SNRNP40: variants seen among roughly 807,000 people sequenced by gnomAD.
SNRNP40 encodes U5 small nuclear ribonucleoprotein 40 kDa protein.
SNRNP40 carries 21 observed loss-of-function variants against 45.8 expected under a neutral mutation model. That is an observed-to-expected ratio of 0.46 (90% confidence interval 0.32 to 0.66). SNRNP40 has a LOEUF of 0.66. SNRNP40 is among the 30% of genes least tolerant of loss of function. The pLI, the probability that SNRNP40 is intolerant of heterozygous loss-of-function variation, is 0.03. For missense variants in SNRNP40, 344 were observed against 439.1 expected (o/e 0.78, Z 1.94); for synonymous variants, 142 against 163.8 (o/e 0.87, Z 1.01).
intron 1 of SNRNP40, among the ~76,000 whole-genome samples, 163 bp downstream of exon 1, chr1:31,296,448 C>T (rs989912192): frequency 2.0e-5 from 3 of 152,236 alleles, no homozygotes; most frequent in African/African-American, 7.2e-5. Context: ...ACGCAGCATT[C>T]GCAGGCTATG....
At chr1:31,290,749 G>A (rs755074169) in intron 3 of SNRNP40, among the ~76,000 whole-genome samples, 96 of 152,088 alleles carry the variant, frequency 6.3e-4, no homozygotes, top group Non-Finnish European at 1.2e-3. Flanking sequence ...ATGGTGGCGG[G>A]CACCTGTAAT....
At chr1:31,265,748 G>A (rs1645891684) in intron 8 of SNRNP40, among the ~76,000 whole-genome samples, 1 of 152,190 alleles carries the variant, frequency 6.6e-6, no homozygotes, top group Non-Finnish European at 1.5e-5. Flanking sequence ...TCTGAGGCAG[G>A]AGAATGGTGT....
intron 9 of SNRNP40, chr1:31,260,868 A>AC: frequency 1.4e-6 from 1 of 712,364 alleles, no homozygotes; most frequent in Non-Finnish European, 1.8e-6. Flanking sequence ...TGTCTCAAAA[A>AC]AAAAAAAAAA....
Position 31,259,856 on chromosome 1 carries a change from T to C in SNRNP40, c.*216A>G, listed in dbSNP as rs1181533845. 1 of 689,296 alleles carries C rather than the reference T, an allele frequency of 1.5e-6. No individual in the cohort carries two copies. Among genetic ancestry groups the C allele is most frequent in the Non-Finnish European group, 2.6e-6 (1 of 377,942 alleles). 42.7% of individuals were successfully genotyped at this position (689,296 alleles called of 1,614,324 possible). On this transcript the variant is annotated 3_prime_UTR_variant, in exon 10 of 10. Transcript: ENST00000263694. ...AAAAAAAAAAACAGTCCCTGAAATC[T>C]GGCAGGTGGTTTTTAGAGGCCACAG...
At position 31,282,611 on chromosome 1, in the gene SNRNP40, CT is replaced by C. The variant is rs1252021418; in HGVS notation, c.532-1116del. 7.3e-5 allele frequency: 11 copies of C among 149,858 alleles called. No homozygotes were observed. The South Asian group carries it at 1.7e-3, about 23-fold the overall frequency. The allele number at this position is 149,858 out of a possible 1,614,324, so 9.3% of individuals were successfully genotyped here. On this transcript the variant is annotated intron_variant, in intron 4 of 9. Transcript: ENST00000263694. ...TCTATCTATCTATCTATCTATCTATCTATCTTTCTATCATCTATATCTATCT... is the reference window on the plus strand; with the variant it reads ...TCTATCTATCTATCTATCTATCTATCATCTTTCTATCATCTATATCTATCT...
chr1:31,262,921 G>A (rs1177940700), intron 8 of SNRNP40, among the ~76,000 whole-genome samples: 6 of 151,858 alleles, frequency 4.0e-5, no homozygotes, highest in African/African-American at 1.5e-4. Context: ...AGGACTGATT[G>A]AGTCCAGCAC....
At chr1:31,287,950 T>G (rs540943210) in intron 4 of SNRNP40, among the ~76,000 whole-genome samples, 5 of 152,060 alleles carry the variant, frequency 3.3e-5, no homozygotes, top group African/African-American at 1.2e-4. Context: ...TGAGCTGAGA[T>G]TGCGCCACTG....
In SNRNP40 at chr1:31,271,410, A is replaced by C; in HGVS notation, c.744T>G (p.Ser248=). ...VTGLSLSSEG[S]YLLSNAMDNT... The stretch of plus-strand genomic sequence containing the variant: ...TGTCCATTGCATTGGACAAAAGATA[A>C]GAGCCTTCAGAACTTAAACTCAGGC... Residue 248 remains serine (S), a synonymous_variant, in exon 6 of 10, where the codon TCT becomes TCG. Coordinates refer to ENST00000263694, the MANE Select transcript of SNRNP40 (RefSeq NM_004814.3). The C allele has an allele frequency of 6.2e-7, 1 of 1,613,984 alleles. No homozygotes were observed. The highest frequency in any genetic ancestry group is 8.5e-7 in the Non-Finnish European group (1 of 1,179,968).
intron 5 of SNRNP40, among the ~76,000 whole-genome samples, chr1:31,272,498 G>A (rs1443618937): frequency 6.6e-6 from 1 of 152,134 alleles, no homozygotes; most frequent in East Asian, 1.9e-4. Context: ...TGGTGACTTA[G>A]GGTAAGAATA....
chr1:31,288,045 C>T (rs1646073114), intron 4 of SNRNP40, among the ~76,000 whole-genome samples: 1 of 151,898 alleles, frequency 6.6e-6, no homozygotes, highest in African/African-American at 2.4e-5. Context: ...CACCTGTAAT[C>T]CCAGCTACTC....
chr1:31,285,242 C>CTT (rs10694913), intron 4 of SNRNP40, among the ~76,000 whole-genome samples: 73,563 of 139,106 alleles, frequency 0.53, 20,437 homozygotes, highest in Non-Finnish European at 0.63. Context: ...GCCTTATCAC[C>CTT]TTTTTTTTTT....
chr1:31,268,246 A>G (rs532002413), intron 7 of SNRNP40, among the ~76,000 whole-genome samples: 22 of 151,946 alleles, frequency 1.4e-4, no homozygotes, highest in South Asian at 4.2e-4. Flanking sequence ...ATTTATCTTG[A>G]AGAAAAATAC....
chr1:31,296,022 T>C (rs1382649260), intron 1 of SNRNP40, among the ~76,000 whole-genome samples: 1 of 152,212 alleles, frequency 6.6e-6, no homozygotes, highest in East Asian at 1.9e-4. Context: ...CGAAATCTGC[T>C]TCTATCACGT....
At position 31,289,094 on chromosome 1, in the gene SNRNP40, T is replaced by C. The variant is rs866161058; in HGVS notation, c.531+160A>G. 1.1e-4 allele frequency among the ~76,000 whole-genome samples: 16 copies of C among 152,254 alleles called. 1 individual carries two copies. Among genetic ancestry groups the C allele is most frequent in the African/African-American group, 3.6e-4 (15 of 41,468 alleles). On this transcript the variant is annotated intron_variant, in intron 4 of 9. Transcript: ENST00000263694. ...TTCTGTAGGGTAATTAAAACTTGTA[T>C]TAAATGTTTTATTTTAAATGGGGAA... is the stretch of plus-strand genomic sequence containing the variant.
chr1:31,276,689 C>T (rs1202806393), intron 5 of SNRNP40, among the ~76,000 whole-genome samples: 1 of 152,082 alleles, frequency 6.6e-6, no homozygotes, highest in Non-Finnish European at 1.5e-5. Flanking sequence ...AGTTCGAGAC[C>T]AGCCTGGGCA....
chr1:31,289,491 A>T, intron 3 of SNRNP40, 72 bp from the exon 4 acceptor site: 1 of 1,438,978 alleles, frequency 6.9e-7, no homozygotes, highest in Non-Finnish European at 9.6e-7. Context: ...TTCCTACTTG[A>T]CAAAAGGTGC....
intron 4 of SNRNP40, chr1:31,282,401 A>C (rs1167061854): frequency 6.6e-6 from 1 of 152,044 alleles, no homozygotes; most frequent in East Asian, 1.9e-4. Flanking sequence ...AAACCTTGGG[A>C]GGAAGGGCTG....
intron 3 of SNRNP40, 68 bp from the exon 4 acceptor site, chr1:31,289,487 C>A: frequency 6.7e-7 from 1 of 1,490,728 alleles, no homozygotes; most frequent in Non-Finnish European, 9.2e-7. Flanking sequence ...ATCTTTCCTA[C>A]TTGACAAAAG....
chr1:31,273,661 G>A (rs1021092119), intron 5 of SNRNP40, among the ~76,000 whole-genome samples: 1 of 151,818 alleles, frequency 6.6e-6, no homozygotes, highest in Non-Finnish European at 1.5e-5. Flanking sequence ...ATCTACAGCA[G>A]GAATTTAAGC....
Sources: allele counts gnomAD v4.1 joint callset (sites outside exome capture counted in the v4.1 genomes callset), GRCh38; gene constraint gnomAD v4.1.1; transcripts MANE v1.5; gene names NCBI Gene and HGNC (gene_info 2026-07-23, HGNC 2026-07-21).